The following CRELD1 variants were observed in gnomAD, a reference collection of about 807,000 sequenced individuals.
CRELD1 encodes the protein CRELD disulfide isomerase 1.
Under a neutral mutation model 58.2 loss-of-function variants are expected in CRELD1, and 42 were observed. That is an observed-to-expected ratio of 0.72 (90% CI 0.56 to 0.93). CRELD1 has a LOEUF of 0.93. Among genes scored for constraint, CRELD1 ranks in the 40% least tolerant of loss-of-function variants. CRELD1 has a pLI of 0.00. For synonymous variants in CRELD1, 222 were observed against 202.0 expected (o/e 1.10, Z -0.84); for missense variants, 500 against 540.6 (o/e 0.92, Z 0.74).
chr3:9,943,895 G>T, intron 10 of CRELD1: 1 of 1,605,216 alleles, frequency 6.2e-7, no homozygotes, highest in African/African-American at 1.3e-5. Context: ...GTCAGATGCT[G>T]TTCTAGGTGC....
chr3:9,937,670 CAAGT>C lies in CRELD1; in HGVS notation c.367_368+2del. ...AGCTGGTGGAGAGCTGGTGGTTTCA[CAAGT>C]GAGTGGCAAAGGGCCTTCCCTGGAA... On this transcript the variant is annotated splice_donor_variant and coding_sequence_variant, in exon 4 of 11. Coordinates refer to ENST00000452070, the MANE Select transcript of CRELD1 (RefSeq NM_001077415.3). LOFTEE classifies it high-confidence loss of function. 1 of 1,600,642 alleles carries C rather than the reference CAAGT, an allele frequency of 6.2e-7. No homozygotes were observed. The highest frequency in any genetic ancestry group is 8.5e-7 in the Non-Finnish European group (1 of 1,173,110).
At position 9,934,430 on chromosome 3, in the gene CRELD1, T is replaced by C; in HGVS notation, c.-9T>C. ...GCCCTCTATCTGCAGGTCCCCAGCC[T>C]GGGTAAAGATGGCCCCATGGCCCCC... On this transcript the variant is annotated 5_prime_UTR_variant, in exon 2 of 11. Transcript: ENST00000452070. The C allele has an allele frequency of 6.2e-7, 1 of 1,613,516 alleles. No homozygotes were observed. The highest frequency in any genetic ancestry group is 1.7e-5 in the Admixed American group (1 of 60,004).
At chr3:9,934,969 T>G in intron 3 of CRELD1, 52 bp downstream of exon 3, 23 of 1,453,380 alleles carry the variant, frequency 1.6e-5, no homozygotes, top group Non-Finnish European at 2.2e-5. Context: ...GCCAAATCTC[T>G]GCTCTGCTGG....
rs760576379 is a variant in CRELD1 at position 9,940,924 on chromosome 3, G to A, written c.535G>A (p.Gly179Arg). 18 of 1,613,994 alleles carry A rather than the reference G, an allele frequency of 1.1e-5. No individual in the cohort carries two copies. The highest frequency in any genetic ancestry group is 5.0e-5 in the Admixed American group (3 of 60,004). The change falls in exon 6 of 11, where the codon GGG (glycine) becomes AGG (arginine). Residue 179 changes from glycine (G) to arginine (R), a missense_variant. Coordinates refer to ENST00000452070, the MANE Select transcript of CRELD1 (RefSeq NM_001077415.3). The part of the protein sequence containing the change: ...CEGEGTRGGS[G>R]HCDCQAGYGG... ...AGGAGAAGGGACACGAGGGGGCAGC[G>A]GGCACTGTGACTGCCAAGCCGGCTA...
chr3:9,942,218 C>A (rs2085388570), intron 7 of CRELD1, among the ~76,000 whole-genome samples: 2 of 151,552 alleles, frequency 1.3e-5, no homozygotes, highest in Non-Finnish European at 2.9e-5. Context: ...TTGCAGTGAG[C>A]CAAGATCACA....
chr3:9,941,243 A>G, intron 7 of CRELD1, 37 bp downstream of exon 7: 1 of 1,577,892 alleles, frequency 6.3e-7, no homozygotes. Flanking sequence ...GAAGATGGTC[A>G]GGGGCCTGGG....
intron 9 of CRELD1, 35 bp from the exon 10 acceptor site, chr3:9,943,346 C>T: frequency 6.2e-7 from 1 of 1,613,368 alleles, no homozygotes; most frequent in Non-Finnish European, 8.5e-7. Flanking sequence ...GGGTGGGGGG[C>T]CCTAGCAGGA....
At chr3:9,935,139 T>C in intron 3 of CRELD1, 2 of 531,682 alleles carry the variant, frequency 3.8e-6, no homozygotes, top group South Asian at 2.1e-5. Flanking sequence ...TAATATTATG[T>C]CAGATGAAGA....
At chr3:9,936,471 A>G (rs1446181168) in intron 3 of CRELD1, among the ~76,000 whole-genome samples, 3 of 151,844 alleles carry the variant, frequency 2.0e-5, no homozygotes, top group South Asian at 2.1e-4. Context: ...GTGTATATAT[A>G]TGTGTGTGTG....
rs543288343 is a variant in CRELD1, at chr3:9,944,029, T to A, written c.1049-336T>A. 10 of 870,298 alleles carry A rather than the reference T, an allele frequency of 1.1e-5. No homozygotes were observed. In the South Asian group the frequency reaches 1.3e-4, roughly 11 times the overall value. The allele number at this position is 870,298 out of a possible 1,614,324, so 53.9% of individuals were successfully genotyped here. A position where few individuals can be genotyped will look rare whatever the true frequency, so the allele number is the denominator to read the frequency against. ...ATGAAGCTACTTTCCCAGGGCTATATGGCAAGCAAGTCGCAAAGCTGGGAT... is the reference window on the plus strand; with the variant it reads ...ATGAAGCTACTTTCCCAGGGCTATAAGGCAAGCAAGTCGCAAAGCTGGGAT... On this transcript the variant is annotated intron_variant, in intron 10 of 10. Coordinates refer to ENST00000452070, the MANE Select transcript of CRELD1 (RefSeq NM_001077415.3).
In CRELD1 at chr3:9,937,750, G is replaced by A. The variant is rs1175108622; in HGVS notation, c.368+78G>A. On this transcript the variant is annotated intron_variant, in intron 4 of 10. Transcript: ENST00000452070. ...TAAGGCCTGATTTGGCCGAGAAGCA[G>A]GGGGGTGCATGCTGGGGCCCATGTC... 10 of 1,039,398 alleles carry A rather than the reference G, an allele frequency of 9.6e-6. No homozygotes were observed. The African/African-American group carries it at 1.1e-4, about 11-fold the overall frequency. 64.4% of individuals were successfully genotyped at this position (1,039,398 alleles called of 1,614,324 possible). A position where few individuals can be genotyped will look rare whatever the true frequency, so the allele number is the denominator to read the frequency against.
intron 7 of CRELD1, 114 bp from the exon 8 acceptor site, chr3:9,942,699 T>G: frequency 1.2e-6 from 1 of 843,054 alleles, no homozygotes; most frequent in South Asian, 1.4e-5. Context: ...GGTAGACAGC[T>G]TGCAGTCTCT....
chr3:9,937,792 C>G, intron 4 of CRELD1, 120 bp downstream of exon 4: 1 of 820,248 alleles, frequency 1.2e-6, no homozygotes, highest in Non-Finnish European at 2.1e-6. Flanking sequence ...GTGCTCCTTC[C>G]AAACCCAGGT....
rs1256030707 is a variant in CRELD1, at chr3:9,940,939, C to T, written c.550C>T (p.Gln184Ter). The stretch of plus-strand genomic sequence containing the variant: ...AGGGGGCAGCGGGCACTGTGACTGC[C>T]AAGCCGGCTACGGGGGTGAGGCCTG... ...TRGGSGHCDC[Q>*]AGYGGEACGQ... The change falls in exon 6 of 11, where the codon CAA (glutamine) becomes TAA (stop). Residue 184 changes from glutamine to a stop codon, truncating the protein, a stop_gained. Coordinates refer to ENST00000452070, the MANE Select transcript of CRELD1 (RefSeq NM_001077415.3). LOFTEE classifies it high-confidence loss of function. The T allele has an allele frequency of 6.2e-7, 1 of 1,613,962 alleles. No individual in the cohort carries two copies. The highest frequency in any genetic ancestry group is 1.3e-5 in the African/African-American group (1 of 74,896).
chr3:9,943,423 A>G lies in CRELD1; in HGVS notation c.956A>G (p.Lys319Arg), dbSNP rs1221052353. ...ACAGAGGTGTGTCCGGGAGAGAACA[A>G]GCAGTGTGAAAACACCGAGGGCGGT... Reference protein sequence around the residue: ...CETEVCPGENKQCENTEGGYR... With the variant: ...CETEVCPGENRQCENTEGGYR... Residue 319 changes from lysine to arginine, a missense_variant, in exon 10 of 11, where the codon AAG (lysine) becomes AGG (arginine). Lys to Arg is a conservative substitution (Grantham distance 26). Coordinates refer to ENST00000452070, the MANE Select transcript of CRELD1 (RefSeq NM_001077415.3). 9 of 1,613,960 alleles carry G rather than the reference A, an allele frequency of 5.6e-6. No homozygotes were observed. The highest frequency in any genetic ancestry group is 7.6e-6 in the Non-Finnish European group (9 of 1,179,974).
At chr3:9,943,242 G>A in intron 9 of CRELD1, 70 bp downstream of exon 9, 1 of 1,591,270 alleles carries the variant, frequency 6.3e-7, no homozygotes, top group Non-Finnish European at 8.6e-7. Flanking sequence ...GAAGAGGCTG[G>A]AATATGGGCA....
At chr3:9,937,505 G>A in intron 3 of CRELD1, 57 bp from the exon 4 acceptor site, 1 of 1,134,282 alleles carries the variant, frequency 8.8e-7, no homozygotes, top group Non-Finnish European at 1.3e-6. Flanking sequence ...AGAGACTTGA[G>A]GAGGGTGGTG....
intron 2 of CRELD1, 100 bp downstream of exon 2, chr3:9,934,712 T>C: frequency 6.6e-7 from 1 of 1,520,112 alleles, no homozygotes. Context: ...TCTTGGTCTC[T>C]TACTAGTTGT....
At chr3:9,944,001 G>A in intron 10 of CRELD1, 1 of 972,256 alleles carries the variant, frequency 1.0e-6, no homozygotes, top group Non-Finnish European at 1.7e-6. Flanking sequence ...AAGATGCAGA[G>A]AGATGAAGCT....
Sources: allele counts gnomAD v4.1 joint callset (sites outside exome capture counted in the v4.1 genomes callset), GRCh38; gene constraint gnomAD v4.1.1; transcripts MANE v1.5; gene names NCBI Gene and HGNC (gene_info 2026-07-23, HGNC 2026-07-21).